Variants in CPNE4 observed in about 807,000 individuals in gnomAD.
CPNE4 encodes the protein copine 4, also known as copine-4.
Under a neutral mutation model 67.9 loss-of-function variants are expected in CPNE4, and 25 were observed. The observed-to-expected ratio is 0.37, with a 90% confidence interval of 0.27 to 0.51. CPNE4 has a LOEUF of 0.51. Ranked by LOEUF, CPNE4 falls within the 20% of genes least tolerant of loss-of-function variation. The pLI is 0.93. For synonymous variants in CPNE4, 242 were observed against 244.9 expected (o/e 0.99, Z 0.11); for missense variants, 464 against 690.8 (o/e 0.67, Z 3.68).
At chr3:131,679,458 G>C (rs1339426606) in intron 6 of CPNE4, among the ~76,000 whole-genome samples, 1 of 151,728 alleles carries the variant, frequency 6.6e-6, no homozygotes, top group Non-Finnish European at 1.5e-5. Flanking sequence ...GTTATTTCTT[G>C]TCTTCTGCTA....
intron 2 of CPNE4, among the ~76,000 whole-genome samples, chr3:131,759,137 C>A (rs917834432): frequency 6.6e-6 from 1 of 152,098 alleles, no homozygotes; most frequent in Non-Finnish European, 1.5e-5. Flanking sequence ...AAGGATGGAA[C>A]AAATCAGGAA....
chr3:131,864,454 T>C (rs2086844054), intron 2 of CPNE4, among the ~76,000 whole-genome samples: 1 of 152,184 alleles, frequency 6.6e-6, no homozygotes, highest in Non-Finnish European at 1.5e-5. Context: ...AGTTATTTTT[T>C]TTTCTTTGAA....
chr3:131,945,806 G>A (rs2071536048), intron 1 of CPNE4, among the ~76,000 whole-genome samples: 1 of 152,136 alleles, frequency 6.6e-6, no homozygotes, highest in South Asian at 2.1e-4. Flanking sequence ...ACTGAGTCAA[G>A]TTCTATAAGG....
chr3:131,956,709 G>T (rs184096719), intron 1 of CPNE4, among the ~76,000 whole-genome samples: 1 of 152,232 alleles, frequency 6.6e-6, no homozygotes, highest in East Asian at 1.9e-4. Flanking sequence ...CCATCCCATT[G>T]GTTTCCTCAT....
chr3:131,957,551 G>A (rs901961274), intron 1 of CPNE4, among the ~76,000 whole-genome samples: 10 of 152,182 alleles, frequency 6.6e-5, no homozygotes, highest in East Asian at 1.9e-4. Context: ...ATTCTAATGC[G>A]AGCCTTTCAC....
chr3:132,039,333 A>C (rs1387765695), upstream of CPNE4, among the ~76,000 whole-genome samples: 1 of 152,208 alleles, frequency 6.6e-6, no homozygotes, highest in Non-Finnish European at 1.5e-5. Flanking sequence ...ATGAAGCAGC[A>C]AGCATTTGCC....
chr3:131,923,704 CAAAAA>C (rs3041574), intron 1 of CPNE4, among the ~76,000 whole-genome samples: 4 of 39,286 alleles, frequency 1.0e-4, no homozygotes, highest in African/African-American at 1.2e-4. Flanking sequence ...GACTCCGTCT[CAAAAA>C]AAAAAAAAAA....
intron 2 of CPNE4, among the ~76,000 whole-genome samples, chr3:131,758,527 T>C (rs539646281): frequency 6.6e-6 from 1 of 152,298 alleles, no homozygotes; most frequent in Admixed American, 6.5e-5. Context: ...CGGAAGGGAC[T>C]TGCTTTGTCT....
At chr3:132,003,962 G>C (rs890412961) in intron 1 of CPNE4, among the ~76,000 whole-genome samples, 10 of 152,070 alleles carry the variant, frequency 6.6e-5, no homozygotes, top group Non-Finnish European at 2.9e-5. Flanking sequence ...AGAGTAGAAG[G>C]GGAGAGCAAT....
At chr3:131,929,607 T>A (rs1320555483) in intron 1 of CPNE4, among the ~76,000 whole-genome samples, 1 of 151,384 alleles carries the variant, frequency 6.6e-6, no homozygotes, top group Non-Finnish European at 1.5e-5. Flanking sequence ...CTCACAGATC[T>A]GCAAGGATCT....
At chr3:131,850,721 G>A (rs563161326) in intron 2 of CPNE4, among the ~76,000 whole-genome samples, 2 of 152,078 alleles carry the variant, frequency 1.3e-5, no homozygotes, top group Non-Finnish European at 2.9e-5. Context: ...ACTGATAGTG[G>A]AGGATATGCT....
At chr3:131,883,846 T>G (rs2087775527) in intron 2 of CPNE4, among the ~76,000 whole-genome samples, 1 of 152,234 alleles carries the variant, frequency 6.6e-6, no homozygotes, top group Non-Finnish European at 1.5e-5. Flanking sequence ...TAACTGAAAC[T>G]TTATTCCTTA....
chr3:131,781,334 G>T (rs186401412), intron 2 of CPNE4, among the ~76,000 whole-genome samples: 60 of 152,184 alleles, frequency 3.9e-4, no homozygotes, highest in Non-Finnish European at 7.6e-4. Context: ...ACACATTACT[G>T]TCCTGCCTTT....
chr3:131,936,777 A>T (rs922854434), intron 1 of CPNE4, among the ~76,000 whole-genome samples: 1 of 152,092 alleles, frequency 6.6e-6, no homozygotes, highest in Non-Finnish European at 1.5e-5. Flanking sequence ...TCTTCTAAGG[A>T]AGACAATGAG....
intron 7 of CPNE4, among the ~76,000 whole-genome samples, chr3:131,611,006 T>C (rs1342358625): frequency 6.6e-6 from 1 of 152,210 alleles, no homozygotes; most frequent in Admixed American, 6.5e-5. Context: ...AGTTTTATGG[T>C]GAGCTCACAT....
chr3:131,643,698 C>A (rs989930405), intron 7 of CPNE4, among the ~76,000 whole-genome samples: 1 of 152,256 alleles, frequency 6.6e-6, no homozygotes, highest in South Asian at 2.1e-4. Context: ...CCCCATGTGT[C>A]ATGGGAGGGA....
At chr3:131,650,309 G>C (rs959049435) in intron 7 of CPNE4, among the ~76,000 whole-genome samples, 1 of 152,094 alleles carries the variant, frequency 6.6e-6, no homozygotes, top group Non-Finnish European at 1.5e-5. Context: ...TACAGATCCT[G>C]CCCACGCTCA....
At chr3:131,865,017 G>A (rs563507056) in intron 2 of CPNE4, among the ~76,000 whole-genome samples, 2,779 of 152,206 alleles carry the variant, frequency 0.018, 47 homozygotes, top group Admixed American at 0.033. Flanking sequence ...TTATTGATTT[G>A]TGTATGTTGA....
intron 2 of CPNE4, among the ~76,000 whole-genome samples, chr3:131,746,305 T>G (rs2082488363): frequency 6.6e-6 from 1 of 152,110 alleles, no homozygotes; most frequent in Non-Finnish European, 1.5e-5. Context: ...TCTTAGGTAT[T>G]TTGAAATATG....
Sources: gnomAD v4.1 joint callset for allele counts (sites outside exome capture counted in the v4.1 genomes callset) on GRCh38, gnomAD v4.1.1 for gene constraint, MANE v1.5 for transcripts, NCBI Gene and HGNC (gene_info 2026-07-23, HGNC 2026-07-21) for gene names.